The following CEMIP2 variants were observed in gnomAD, a reference collection of about 807,000 sequenced individuals.
CEMIP2 encodes the protein cell surface hyaluronidase CEMIP2.
Under a neutral mutation model 146.9 loss-of-function variants are expected in CEMIP2, and 79 were observed. The observed-to-expected ratio is 0.54, with a 90% CI of 0.45 to 0.65. The LOEUF (loss-of-function observed/expected upper bound fraction) is 0.65, where lower values mean the gene tolerates loss of function less well. Among genes scored for constraint, CEMIP2 ranks in the 30% least tolerant of loss-of-function variants. The pLI is 0.00. For missense variants in CEMIP2, 1,596 were observed against 1,696.2 expected, an observed-to-expected ratio of 0.94 and a Z score of 1.04; for synonymous variants, 601 against 606.3, an observed-to-expected ratio of 0.99 and a Z score of 0.13.
At chr9:71,740,528 T>A (rs1823883756) in intron 4 of CEMIP2, among the ~76,000 whole-genome samples, 1 of 152,206 alleles carries the variant, frequency 6.6e-6, no homozygotes, top group African/African-American at 2.4e-5. Context: ...ATATCACACA[T>A]AACATTCTGG....
chr9:71,727,525 A>G (rs762541498), intron 10 of CEMIP2, among the ~76,000 whole-genome samples: 7 of 152,244 alleles, frequency 4.6e-5, no homozygotes, highest in African/African-American at 9.6e-5. Context: ...TTTAAAGAAA[A>G]TAACAGATAT....
chr9:71,708,323 C>T (rs1214390310), intron 17 of CEMIP2, among the ~76,000 whole-genome samples: 1 of 152,206 alleles, frequency 6.6e-6, no homozygotes, highest in African/African-American at 2.4e-5. Context: ...ACCAAAATGT[C>T]ACTATTAAAA....
At chr9:71,723,735 C>T (rs1178792087) in intron 11 of CEMIP2, among the ~76,000 whole-genome samples, 1 of 152,070 alleles carries the variant, frequency 6.6e-6, no homozygotes, top group East Asian at 1.9e-4. Flanking sequence ...AGTACAGATT[C>T]GGGAGGCATC....
chr9:71,701,661 A>G (rs1422681141), intron 18 of CEMIP2, among the ~76,000 whole-genome samples: 3 of 152,194 alleles, frequency 2.0e-5, no homozygotes, highest in Non-Finnish European at 4.4e-5. Context: ...GTAAAGGTAT[A>G]TGCCTTTTTA....
chr9:71,715,725 G>A (rs546056601), intron 14 of CEMIP2, among the ~76,000 whole-genome samples: 1 of 148,620 alleles, frequency 6.7e-6, no homozygotes, highest in Non-Finnish European at 1.5e-5. Flanking sequence ...GAGCTCACAG[G>A]ATACTGCCAT....
intron 8 of CEMIP2, 95 bp from the exon 9 acceptor site, chr9:71,730,348 G>C: frequency 7.9e-7 from 1 of 1,262,498 alleles, no homozygotes; most frequent in Non-Finnish European, 1.1e-6. Context: ...CAGTACAAGT[G>C]GAAAAACAGG....
Position 71,698,211 on chromosome 9 carries a change from A to C in CEMIP2, c.3378-7T>G. 6.2e-7 allele frequency: 1 copy of C among 1,613,236 alleles called. No individual in the cohort carries two copies. Among genetic ancestry groups the C allele is most frequent in the Non-Finnish European group, 8.5e-7 (1 of 1,179,336 alleles). On this transcript the variant is annotated splice_polypyrimidine_tract_variant and splice_region_variant and intron_variant, in intron 19 of 23. Transcript: ENST00000377044. ...GAGATACAAAAACAGTAACCTGCAC[A>C]AAACAGAAACCAATCCATGTAGTTA...
chr9:71,740,053 A>G lies in CEMIP2; in HGVS notation c.1204+10T>C, dbSNP rs1213370161. On this transcript the variant is annotated intron_variant, in intron 5 of 23. Transcript: ENST00000377044. ...AGTGTCTTACAAGAGTATAAACTCT[A>G]CTTGCCTACCTTCAATCCATTCACT... The G allele has an allele frequency of 3.1e-6, 5 of 1,612,142 alleles. No individual in the cohort carries two copies. The highest frequency in any genetic ancestry group is 1.1e-5 in the South Asian group (1 of 90,986).
At chr9:71,710,978 G>A (rs1271397851) in intron 16 of CEMIP2, among the ~76,000 whole-genome samples, 1 of 152,176 alleles carries the variant, frequency 6.6e-6, no homozygotes, top group Non-Finnish European at 1.5e-5. Flanking sequence ...TAAGTTTGTG[G>A]GTGGATGTGA....
chr9:71,720,084 A>T (rs187682634), intron 12 of CEMIP2, among the ~76,000 whole-genome samples: 1 of 152,230 alleles, frequency 6.6e-6, no homozygotes, highest in East Asian at 1.9e-4. Context: ...TCTTATTATC[A>T]TCATTGAGTT....
chr9:71,703,576 G>A (rs1822638445), intron 18 of CEMIP2, among the ~76,000 whole-genome samples: 2 of 152,182 alleles, frequency 1.3e-5, no homozygotes, highest in African/African-American at 4.8e-5. Context: ...AGGTGAACAA[G>A]CCATTTCAAT....
chr9:71,694,103 ATTTATTTAT>A (rs879608340), intron 21 of CEMIP2, among the ~76,000 whole-genome samples: 917 of 27,594 alleles, frequency 0.033, 10 homozygotes, highest in African/African-American at 0.069. Context: ...GTTTATTTTT[ATTTATTTAT>A]TTATTTATTT....
chr9:71,694,449 G>C (rs998878464), intron 21 of CEMIP2, 60 bp downstream of exon 21: 3 of 1,381,840 alleles, frequency 2.2e-6, no homozygotes, highest in Admixed American at 1.7e-5. Flanking sequence ...AAGCTACCTA[G>C]TTTATGGCAT....
rs545474842 is a variant in CEMIP2 at position 71,757,482 on chromosome 9, G to A, written c.-12-7097C>T. Among the ~76,000 whole-genome samples, 7 of 152,114 alleles carry A rather than the reference G, an allele frequency of 4.6e-5. No individual in the cohort carries two copies. In the South Asian group the frequency reaches 8.3e-4, roughly 18 times the overall value. ...CTAAGAACATTTTTTCTTTTATTAC[G>A]ATCTTAGAAGATCTAACACATTCAC... On this transcript the variant is annotated intron_variant, in intron 1 of 23. Transcript: ENST00000377044.
Position 71,712,276 on chromosome 9 carries a change from A to G in CEMIP2, c.2592-16T>C. On this transcript the variant is annotated splice_polypyrimidine_tract_variant and intron_variant, in intron 15 of 23. Coordinates refer to ENST00000377044, the MANE Select transcript of CEMIP2 (RefSeq NM_013390.3). ...TGGGAACGTCCTGTGGAAATACAAG[A>G]TTTTGTTTAATGCATATGGGCTGTC... 2 of 1,612,590 alleles carry G rather than the reference A, an allele frequency of 1.2e-6. No homozygotes were observed. The highest frequency in any genetic ancestry group is 2.7e-5 in the African/African-American group (2 of 74,934).
In CEMIP2 at chr9:71,752,586, G is replaced by A. The variant is rs990016379; in HGVS notation, c.-12-2201C>T. On this transcript the variant is annotated intron_variant, in intron 1 of 23. Transcript: ENST00000377044. ...GTGTGCCCTATGGCTTCAGAAACAT[G>A]GTGTTTAACCTCTTACATCCCTTCC... Among the ~76,000 whole-genome samples the A allele has an allele frequency of 2.0e-5, 3 of 151,638 alleles. No homozygotes were observed. In the Admixed American group the frequency reaches 2.0e-4, roughly 10 times the overall value.
At chr9:71,761,560 T>C (rs948781269) in intron 1 of CEMIP2, among the ~76,000 whole-genome samples, 10 of 152,238 alleles carry the variant, frequency 6.6e-5, no homozygotes, top group African/African-American at 2.4e-4. Flanking sequence ...AGAACCCAAG[T>C]TGACTATTTC....
At chr9:71,759,896 G>C (rs1328436820) in intron 1 of CEMIP2, among the ~76,000 whole-genome samples, 2 of 151,480 alleles carry the variant, frequency 1.3e-5, no homozygotes, top group African/African-American at 2.4e-5. Flanking sequence ...GGAACTTTTT[G>C]ATCTCTAAAG....
chr9:71,700,333 A>G (rs1450702908), intron 19 of CEMIP2, among the ~76,000 whole-genome samples: 1 of 152,262 alleles, frequency 6.6e-6, no homozygotes, highest in Non-Finnish European at 1.5e-5. Context: ...AAATAATCAT[A>G]TGAAGAACAT....
Sources: allele counts gnomAD v4.1 joint callset (sites outside exome capture counted in the v4.1 genomes callset), GRCh38; gene constraint gnomAD v4.1.1; transcripts MANE v1.5; gene names NCBI Gene and HGNC (gene_info 2026-07-23, HGNC 2026-07-21).